ZNF761: variants seen among roughly 807,000 people sequenced by gnomAD.
ZNF761 encodes zinc finger protein 761.
In ZNF761, 43 loss-of-function variants were observed where a neutral mutation model predicts 59.9. The observed-to-expected ratio is 0.72, with a 90% confidence interval of 0.56 to 0.92. The LOEUF is 0.92. Among genes scored for constraint, ZNF761 ranks in the 40% least tolerant of loss-of-function variants. The pLI is 0.00. For synonymous variants in ZNF761, 294 were observed against 304.8 expected (o/e 0.96, Z 0.37); for missense variants, 850 against 906.1 (o/e 0.94, Z 0.79).
intron 3 of ZNF761, among the ~76,000 whole-genome samples, chr19:53,448,416 A>G (rs1168890358): frequency 6.6e-6 from 1 of 152,184 alleles, no homozygotes; most frequent in Admixed American, 6.5e-5. Context: ...GCCATAATGC[A>G]TCTCCTTTCC....
rs199960595 is a variant in ZNF761 at position 53,445,774 on chromosome 19, CTG to C, written c.-184-451_-184-450del. Among the ~76,000 whole-genome samples the C allele has an allele frequency of 2.3e-3, 346 of 152,280 alleles. 2 individuals are homozygous for C. Among genetic ancestry groups the C allele is most frequent in the East Asian group, 5.6e-3 (29 of 5,176 alleles). On this transcript the variant is annotated intron_variant, in intron 1 of 4. Transcript: ENST00000684525. The stretch of plus-strand genomic sequence containing the variant: ...CAGAGACCATCTTCGAGGCCTTTCT[CTG>C]TATGAGGACATCACAGCAAAATCTA...
intron 1 of ZNF761, among the ~76,000 whole-genome samples, chr19:53,440,087 C>T (rs189735506): frequency 6.6e-6 from 1 of 152,164 alleles, no homozygotes; most frequent in Admixed American, 6.5e-5. Context: ...GAGACTGGGG[C>T]AAGGGCATTG....
intron 2 of ZNF761, 50 bp from the exon 3 acceptor site, chr19:53,447,146 G>A (rs2086168939): frequency 7.8e-7 from 1 of 1,279,656 alleles, no homozygotes; most frequent in Non-Finnish European, 1.1e-6. Flanking sequence ...GTGTTCCACG[G>A]AGGTGGCGTG....
At position 53,451,294 on chromosome 19, in the gene ZNF761, TCCAACTC is replaced by T. The variant is rs1030286616; in HGVS notation, c.142+1660_142+1666del. Among the ~76,000 whole-genome samples, 19 of 152,342 alleles carry T rather than the reference TCCAACTC, an allele frequency of 1.2e-4. 1 individual carries two copies. Among genetic ancestry groups the T allele is most frequent in the African/African-American group, 4.3e-4 (18 of 41,576 alleles). On this transcript the variant is annotated intron_variant, in intron 4 of 4. Coordinates refer to ENST00000684525, the MANE Select transcript of ZNF761 (RefSeq NM_001289951.2). The stretch of plus-strand genomic sequence containing the variant: ...GGCACAATCTCGGGTCACTCCAACC[TCCAACTC>T]CCAGGTTCAAGCAATTCTCCTGCCT...
At chr19:53,448,911 A>G (rs2086189038) in intron 3 of ZNF761, among the ~76,000 whole-genome samples, 2 of 152,092 alleles carry the variant, frequency 1.3e-5, no homozygotes, top group African/African-American at 4.8e-5. Context: ...TAGCTGGGAT[A>G]ACAGGCATGT....
intron 3 of ZNF761, among the ~76,000 whole-genome samples, chr19:53,449,120 A>C (rs1380730860): frequency 1.3e-5 from 2 of 152,178 alleles, no homozygotes; most frequent in African/African-American, 4.8e-5. Context: ...TCACGAGGTC[A>C]GGAGTTTGAG....
intron 1 of ZNF761, chr19:53,444,312 A>G (rs1231182234): frequency 6.6e-6 from 1 of 152,154 alleles, no homozygotes; most frequent in African/African-American, 2.4e-5. Flanking sequence ...GTAAAACCTG[A>G]TTGTACATTC....
Position 53,449,557 on chromosome 19 carries a change from G to C in ZNF761, c.61G>C (p.Glu21Gln). 1 of 1,613,680 alleles carries C rather than the reference G, an allele frequency of 6.2e-7. No homozygotes were observed. The highest frequency in any genetic ancestry group is 8.5e-7 in the Non-Finnish European group (1 of 1,179,892). Residue 21 changes from glutamate to glutamine, a missense_variant, in exon 4 of 5, where the codon GAG becomes CAG. Glu to Gln is a conservative substitution (Grantham distance 29). Transcript: ENST00000684525. ...RDVAIEFSQE[E>Q]WKCLDPAQRT... is the part of the protein sequence containing the mutation. Reference sequence around the variant, plus strand: ...TGTGGCCATAGAATTCTCTCAGGAGGAGTGGAAATGCCTGGACCCTGCTCA... The same window carrying C: ...TGTGGCCATAGAATTCTCTCAGGAGCAGTGGAAATGCCTGGACCCTGCTCA...
In ZNF761 at chr19:53,450,075, T is replaced by C. The variant is rs185022524; in HGVS notation, c.142+437T>C. The stretch of plus-strand genomic sequence containing the variant: ...ATCCCAGCACTTTGGGAGGCCAAGG[T>C]GGGTGGATCACGAGGTCAGGCGATC... On this transcript the variant is annotated intron_variant, in intron 4 of 4. Coordinates refer to ENST00000684525, the MANE Select transcript of ZNF761 (RefSeq NM_001289951.2). The C allele has an allele frequency of 4.1e-4, 145 of 354,740 alleles. 1 individual carries two copies. Among genetic ancestry groups the C allele is most frequent in the African/African-American group, 1.6e-3 (77 of 47,176 alleles). 22.0% of individuals were successfully genotyped at this position (354,740 alleles called of 1,614,324 possible). A position where few individuals can be genotyped will look rare whatever the true frequency, so the allele number is the denominator to read the frequency against.
rs563984436 is a variant in ZNF761, at chr19:53,457,580, A to G, written c.*832A>G. ...TTTGGAGGTAGTTGGTCCATATGCA[A>G]TGAGTAGAGCAAACCATCAAGCATT... On this transcript the variant is annotated 3_prime_UTR_variant, in exon 5 of 5. Transcript: ENST00000684525. The G allele has an allele frequency of 1.9e-5, 6 of 308,368 alleles. No individual in the cohort carries two copies. Among genetic ancestry groups the G allele is most frequent in the African/African-American group, 9.6e-5 (4 of 41,732 alleles). The allele number at this position is 308,368 out of a possible 1,614,324, so 19.1% of individuals were successfully genotyped here.
intron 1 of ZNF761, among the ~76,000 whole-genome samples, chr19:53,434,506 G>A (rs1204057351): frequency 6.6e-6 from 1 of 152,142 alleles, no homozygotes; most frequent in Non-Finnish European, 1.5e-5. Flanking sequence ...GTGGTTTAGA[G>A]AAGAGAAACA....
intron 1 of ZNF761, among the ~76,000 whole-genome samples, chr19:53,439,670 C>T (rs76141313): frequency 0.022 from 3,280 of 152,262 alleles, 141 homozygotes; most frequent in African/African-American, 0.075. Flanking sequence ...TGGATAGTTA[C>T]TGTGGCCTGG....
At chr19:53,438,186 G>T (rs1021147172) in intron 1 of ZNF761, among the ~76,000 whole-genome samples, 1 of 146,314 alleles carries the variant, frequency 6.8e-6, no homozygotes, top group Non-Finnish European at 1.5e-5. Context: ...TCACATAGAA[G>T]CCCTTGGTAC....
At chr19:53,440,788 A>G (rs1222568161) in intron 1 of ZNF761, among the ~76,000 whole-genome samples, 1 of 151,994 alleles carries the variant, frequency 6.6e-6, no homozygotes, top group African/African-American at 2.4e-5. Flanking sequence ...CCATCCTCCT[A>G]CCTCAGCTTC....
chr19:53,449,389 T>G (rs1213008192), intron 3 of ZNF761, 123 bp from the exon 4 acceptor site: 2 of 1,607,058 alleles, frequency 1.2e-6, no homozygotes, highest in Non-Finnish European at 1.7e-6. Flanking sequence ...AAAAATCCCT[T>G]ACTCAGATTT....
At chr19:53,445,454 A>G (rs1367573828) in intron 1 of ZNF761, among the ~76,000 whole-genome samples, 6 of 151,624 alleles carry the variant, frequency 4.0e-5, no homozygotes, top group Non-Finnish European at 8.8e-5. Context: ...CTTCTCACTC[A>G]TCTCAGACCT....
chr19:53,449,807 G>A, intron 4 of ZNF761, 169 bp downstream of exon 4: 1 of 1,427,052 alleles, frequency 7.0e-7, no homozygotes, highest in African/African-American at 1.5e-5. Flanking sequence ...TCCCACCTCA[G>A]CCTCCCCCGG....
At chr19:53,442,166 G>T in intron 1 of ZNF761, 2 of 1,121,320 alleles carry the variant, frequency 1.8e-6, no homozygotes, top group Non-Finnish European at 2.7e-6. Context: ...CTTAAAAGAT[G>T]AAGAAGATGG....
In ZNF761 at chr19:53,455,594, T is replaced by A. The variant is rs1448511338; in HGVS notation, c.1087T>A (p.Phe363Ile). The A allele has an allele frequency of 6.2e-7, 1 of 1,613,918 alleles. No individual in the cohort carries two copies. Among genetic ancestry groups the A allele is most frequent in the Non-Finnish European group, 8.5e-7 (1 of 1,179,990 alleles). Residue 363 changes from phenylalanine to isoleucine, a missense_variant, in exon 5 of 5, where the codon TTT becomes ATT. By Grantham distance (21) the Phe-to-Ile change is conservative. Transcript: ENST00000684525. ...CAAGTGTAATGAGTGTGGCAAGACC[T>A]TTAGTCACAAGTCATCCCTTACATG... Reference protein sequence around the residue: ...PYKCNECGKTFSHKSSLTCHH... With the variant: ...PYKCNECGKTISHKSSLTCHH...
Sources: gnomAD v4.1 joint callset for allele counts (sites outside exome capture counted in the v4.1 genomes callset) on GRCh38, gnomAD v4.1.1 for gene constraint, MANE v1.5 for transcripts, NCBI Gene and HGNC (gene_info 2026-07-23, HGNC 2026-07-21) for gene names.